PTPRD: variants seen among roughly 807,000 people sequenced by gnomAD.
The protein encoded by PTPRD is protein tyrosine phosphatase receptor type D, also known as receptor-type tyrosine-protein phosphatase delta.
In PTPRD, 34 loss-of-function variants were observed where a neutral mutation model predicts 214.5. The ratio of observed to expected loss-of-function variants is 0.16; its 90% CI spans 0.12 to 0.21. The LOEUF (loss-of-function observed/expected upper bound fraction) is 0.21. PTPRD is among the 10% of genes least tolerant of loss of function. The pLI is 1.00. For missense variants in PTPRD, 2,545 were observed against 2,398.7 expected, an observed-to-expected ratio of 1.06 and a Z score of -1.27; for synonymous variants, 1,128 against 845.7, an observed-to-expected ratio of 1.33 and a Z score of -5.79.
chr9:8,566,307 A>C (rs1252511596), intron 14 of PTPRD, among the ~76,000 whole-genome samples: 4 of 152,118 alleles, frequency 2.6e-5, no homozygotes, highest in African/African-American at 9.7e-5. Flanking sequence ...TGCTGTTTCG[A>C]AATCTGTACG....
At chr9:10,240,959 A>G (rs1449920262) in intron 3 of PTPRD, among the ~76,000 whole-genome samples, 1 of 151,790 alleles carries the variant, frequency 6.6e-6, no homozygotes, top group Non-Finnish European at 1.5e-5. Flanking sequence ...TTTGTAAAAC[A>G]CATACAACAA....
chr9:8,463,112 T>C (rs563518955), intron 32 of PTPRD, among the ~76,000 whole-genome samples: 3 of 151,888 alleles, frequency 2.0e-5, no homozygotes, highest in African/African-American at 7.2e-5. Context: ...GTTTATGGCA[T>C]CTATTCTGAA....
intron 35 of PTPRD, among the ~76,000 whole-genome samples, chr9:8,420,811 T>C (rs1213794656): frequency 1.7e-5 from 2 of 120,326 alleles, no homozygotes; most frequent in African/African-American, 5.8e-5. Flanking sequence ...TTCTTTTTTT[T>C]TTTTTTTAAA....
chr9:10,237,580 T>C (rs2099633216), intron 3 of PTPRD, among the ~76,000 whole-genome samples: 1 of 151,948 alleles, frequency 6.6e-6, no homozygotes. Context: ...ACACATGACA[T>C]GAACAAAAAT....
chr9:9,870,194 T>C (rs189236754), intron 5 of PTPRD, among the ~76,000 whole-genome samples: 3 of 152,158 alleles, frequency 2.0e-5, no homozygotes, highest in Admixed American at 6.5e-5. Context: ...AGACTACTTA[T>C]ACAATAATTT....
chr9:8,803,763 T>C (rs1220329678), intron 11 of PTPRD, among the ~76,000 whole-genome samples: 1 of 151,008 alleles, frequency 6.6e-6, no homozygotes, highest in Non-Finnish European at 1.5e-5. Flanking sequence ...AAAGAAAAAG[T>C]ACGAAATCAT....
chr9:9,743,693 G>C (rs2821465), intron 6 of PTPRD, among the ~76,000 whole-genome samples: 74,719 of 148,980 alleles, frequency 0.5, 22,284 homozygotes, highest in African/African-American at 0.83. Flanking sequence ...GCACCCCATA[G>C]TCCAAATCTT....
At chr9:8,472,228 A>T (rs1048262545) in intron 30 of PTPRD, among the ~76,000 whole-genome samples, 4 of 152,132 alleles carry the variant, frequency 2.6e-5, no homozygotes, top group African/African-American at 9.7e-5. Context: ...GTATTTTCTA[A>T]GGACTCCATA....
chr9:9,090,456 A>G (rs190338239), intron 10 of PTPRD, among the ~76,000 whole-genome samples: 86 of 152,324 alleles, frequency 5.6e-4, no homozygotes, highest in Non-Finnish European at 2.5e-4. Context: ...CTTTAATCAG[A>G]ACATCATTCT....
chr9:9,124,295 C>T (rs1569548184), intron 10 of PTPRD, among the ~76,000 whole-genome samples: 1 of 152,148 alleles, frequency 6.6e-6, no homozygotes. Flanking sequence ...GTGTTACTTA[C>T]ATATATTAGT....
intron 35 of PTPRD, among the ~76,000 whole-genome samples, chr9:8,412,596 A>G (rs1280143159): frequency 6.6e-6 from 1 of 152,142 alleles, no homozygotes; most frequent in Non-Finnish European, 1.5e-5. Context: ...TTACTAAAAG[A>G]ATGCTAGATG....
At chr9:10,118,992 G>T (rs1322949507) in intron 3 of PTPRD, among the ~76,000 whole-genome samples, 1 of 151,538 alleles carries the variant, frequency 6.6e-6, no homozygotes, top group Non-Finnish European at 1.5e-5. Context: ...TTGAATAATG[G>T]TCATTTAGAA....
chr9:8,385,339 C>A (rs1392012734), intron 37 of PTPRD, among the ~76,000 whole-genome samples: 1 of 152,032 alleles, frequency 6.6e-6, no homozygotes, highest in East Asian at 1.9e-4. Context: ...CCAGCCTGGG[C>A]AAAAAAGTGA....
chr9:10,460,896 G>A (rs2098953442), intron 2 of PTPRD, among the ~76,000 whole-genome samples: 1 of 151,880 alleles, frequency 6.6e-6, no homozygotes, highest in African/African-American at 2.4e-5. Context: ...AAAAGAAACG[G>A]CATCAAATAA....
At chr9:10,149,615 T>C (rs1363476089) in intron 3 of PTPRD, among the ~76,000 whole-genome samples, 2 of 152,254 alleles carry the variant, frequency 1.3e-5, no homozygotes, top group Admixed American at 6.5e-5. Flanking sequence ...ATATTCATTA[T>C]AGACCCAGGC....
At chr9:10,045,988 C>T (rs955798772) in intron 3 of PTPRD, among the ~76,000 whole-genome samples, 9 of 151,618 alleles carry the variant, frequency 5.9e-5, no homozygotes, top group Admixed American at 5.9e-4. Context: ...GTTTCTAAAT[C>T]CAAGAAAGAT....
intron 5 of PTPRD, among the ~76,000 whole-genome samples, chr9:9,806,809 T>C (rs572667802): frequency 3.3e-5 from 5 of 152,040 alleles, no homozygotes; most frequent in African/African-American, 1.2e-4. Flanking sequence ...GGGGTTTGAC[T>C]GGTATCTGAC....
At chr9:8,814,900 A>G (rs1352377273) in intron 11 of PTPRD, among the ~76,000 whole-genome samples, 1 of 152,228 alleles carries the variant, frequency 6.6e-6, no homozygotes, top group African/African-American at 2.4e-5. Flanking sequence ...GTGCATTCAC[A>G]TAGCTTTCTG....
intron 4 of PTPRD, among the ~76,000 whole-genome samples, chr9:9,974,542 T>G (rs949927603): frequency 1.3e-5 from 2 of 152,218 alleles, no homozygotes; most frequent in Non-Finnish European, 2.9e-5. Context: ...GAAAATAACA[T>G]TTAAATAAAC....
Sources: gnomAD v4.1 joint callset for allele counts (sites outside exome capture counted in the v4.1 genomes callset) on GRCh38, gnomAD v4.1.1 for gene constraint, MANE v1.5 for transcripts, NCBI Gene and HGNC (gene_info 2026-07-23, HGNC 2026-07-21) for gene names.